The following RAD17 variants were observed in gnomAD, a reference collection of about 807,000 sequenced individuals.
The protein encoded by RAD17 is RAD17 checkpoint clamp loader component.
In RAD17, 31 loss-of-function variants were observed where a neutral mutation model predicts 81.5. That is an observed-to-expected ratio of 0.38 (90% CI 0.29 to 0.51). The LOEUF (loss-of-function observed/expected upper bound fraction) is 0.51. RAD17 is among the 20% of genes least tolerant of loss of function. The pLI is 0.88. For synonymous variants in RAD17, 261 were observed against 266.2 expected, an observed-to-expected ratio of 0.98 and a Z score of 0.19; for missense variants, 681 against 781.2, an observed-to-expected ratio of 0.87 and a Z score of 1.53.
chr5:69,393,106 T>C (rs1399333826), intron 13 of RAD17, 49 bp from the exon 14 acceptor site: 1 of 1,294,196 alleles, frequency 7.7e-7, no homozygotes, highest in Non-Finnish European at 1.1e-6. Context: ...AGGTGCTATA[T>C]AATTATAAAG....
chr5:69,377,591 A>G (rs1448408605), intron 6 of RAD17, among the ~76,000 whole-genome samples: 1 of 53,962 alleles, frequency 1.9e-5, no homozygotes, highest in African/African-American at 5.1e-5. Flanking sequence ...GTATACATAT[A>G]TATATGCATA....
At chr5:69,407,967 T>C (rs777296914) in intron 17 of RAD17, among the ~76,000 whole-genome samples, 1 of 152,260 alleles carries the variant, frequency 6.6e-6, no homozygotes, top group Non-Finnish European at 1.5e-5. Flanking sequence ...GTTCTTTTTA[T>C]AATTTTTGTC....
intron 17 of RAD17, among the ~76,000 whole-genome samples, chr5:69,407,723 T>C (rs1001554764): frequency 6.6e-6 from 1 of 152,138 alleles, no homozygotes; most frequent in Admixed American, 6.5e-5. Context: ...AATACAGGCA[T>C]GTGCCGCTAT....
chr5:69,412,418 G>A (rs1042169148), intron 18 of RAD17, among the ~76,000 whole-genome samples: 1 of 151,844 alleles, frequency 6.6e-6, no homozygotes, highest in Non-Finnish European at 1.5e-5. Flanking sequence ...CAACCTACAC[G>A]TTATTTTTGC....
intron 5 of RAD17, 85 bp from the exon 6 acceptor site, chr5:69,374,543 A>C: frequency 1.2e-6 from 1 of 809,784 alleles, no homozygotes. Flanking sequence ...TCTTTTCGTT[A>C]ATAATGCTTA....
At chr5:69,370,001 A>G (rs1298740840) in intron 1 of RAD17, 68 bp downstream of exon 1, 5 of 416,648 alleles carry the variant, frequency 1.2e-5, no homozygotes, top group African/African-American at 6.3e-5. Context: ...CTCTGCCTTC[A>G]AGCTTTCCTG....
chr5:69,377,961 TAAAA>T (rs574377148), intron 6 of RAD17, among the ~76,000 whole-genome samples: 2 of 151,168 alleles, frequency 1.3e-5, no homozygotes, highest in Non-Finnish European at 2.9e-5. Flanking sequence ...TCTGGCTAAT[TAAAA>T]AAAAATTTTT....
Position 69,391,863 on chromosome 5 carries a change from A to G in RAD17, c.1039A>G (p.Met347Val), listed in dbSNP as rs138127786. 1,150 of 1,567,780 alleles carry G rather than the reference A, an allele frequency of 7.3e-4. 4 individuals carry two copies. The highest frequency in any genetic ancestry group is 8.3e-4 in the Non-Finnish European group (963 of 1,164,820). Residue 347 changes from methionine to valine, a missense_variant, in exon 13 of 19, where the codon ATG becomes GTG. Met to Val is a conservative substitution (Grantham distance 21). Transcript: ENST00000354868. ...ENNLRPRKKG[M>V]SLKSDAVLSK... is the part of the protein sequence containing the mutation. ...CAACTTACGGCCAAGGAAAAAAGGA[A>G]TGTCTTTAAAATCAGATGCTGTGCT...
chr5:69,369,350 C>T, upstream of RAD17: 6 of 1,223,390 alleles, frequency 4.9e-6, no homozygotes, highest in Non-Finnish European at 6.6e-6. Flanking sequence ...TCGTGGCCCT[C>T]GGCCGGCCTC....
At position 69,386,110 on chromosome 5, in the gene RAD17, A is replaced by G. The variant is rs763929942; in HGVS notation, c.698+15A>G. 2 of 1,602,962 alleles carry G rather than the reference A, an allele frequency of 1.2e-6. No homozygotes were observed. The highest frequency in any genetic ancestry group is 1.7e-6 in the Non-Finnish European group (2 of 1,176,056). ...GAAGTTCTAAGGTAGGTTTCAGTGA[A>G]GTATTCTAAAACTCCAAATTAAATG... On this transcript the variant is annotated intron_variant, in intron 9 of 18. Transcript: ENST00000354868.
chr5:69,386,433 C>A lies in RAD17; in HGVS notation c.862C>A (p.Leu288Ile), dbSNP rs1371052995. The change falls in exon 11 of 19, where the codon CTT (leucine) becomes ATT (isoleucine). Residue 288 changes from leucine (L) to isoleucine (I), a missense_variant. Physicochemically the swap from Leu to Ile is conservative, Grantham distance 5. Coordinates refer to ENST00000354868, the MANE Select transcript of RAD17 (RefSeq NM_133338.3). ...GGCACCAACAATTATGATGAAATTT[C>A]TTAATCGAATAGTGACTATAGAAGC... The part of the protein sequence containing the change: ...PVAPTIMMKF[L>I]NRIVTIEANK... 6.3e-7 allele frequency: 1 copy of A among 1,599,476 alleles called. No homozygotes were observed. The highest frequency in any genetic ancestry group is 2.2e-5 in the East Asian group (1 of 44,548).
At chr5:69,370,908 A>G in intron 1 of RAD17, 127 bp from the exon 2 acceptor site, 1 of 243,886 alleles carries the variant, frequency 4.1e-6, no homozygotes, top group South Asian at 4.2e-5. Flanking sequence ...TGAATTCACT[A>G]GTTTGCATAA....
chr5:69,391,094 C>T (rs73113069), intron 12 of RAD17, among the ~76,000 whole-genome samples: 2,139 of 151,740 alleles, frequency 0.014, 51 homozygotes, highest in African/African-American at 0.049. Flanking sequence ...AAAATTTAGC[C>T]GGGCATACAC....
At chr5:69,400,469 G>GC (rs1255362645) in intron 17 of RAD17, among the ~76,000 whole-genome samples, 1 of 151,940 alleles carries the variant, frequency 6.6e-6, no homozygotes, top group Non-Finnish European at 1.5e-5. Context: ...GCCTGCCTCG[G>GC]CCCCCCAGAG....
intron 17 of RAD17, among the ~76,000 whole-genome samples, chr5:69,404,783 AT>A (rs1160938885): frequency 1.4e-5 from 2 of 146,970 alleles, no homozygotes; most frequent in Non-Finnish European, 3.0e-5. Context: ...AAAAAAAAAA[AT>A]AGATAAAATT....
chr5:69,410,883 T>A (rs571741104), intron 18 of RAD17, among the ~76,000 whole-genome samples: 6 of 150,008 alleles, frequency 4.0e-5, no homozygotes, highest in Non-Finnish European at 8.9e-5. Context: ...CTGCAGTGAC[T>A]AGGAACTGCC....
Position 69,371,458 on chromosome 5 carries a change from A to G in RAD17, c.-275A>G. 5.3e-6 allele frequency: 2 copies of G among 378,246 alleles called. No individual in the cohort carries two copies. The highest frequency in any genetic ancestry group is 9.3e-6 in the Non-Finnish European group (2 of 214,838). 23.4% of individuals were successfully genotyped at this position (378,246 alleles called of 1,614,324 possible). ...TCTTCCCCCCCCCCCCCCCAGGTGAATTATAGTTTAATGTACTGCAAGTCC... is the reference window on the plus strand; with the variant it reads ...TCTTCCCCCCCCCCCCCCCAGGTGAGTTATAGTTTAATGTACTGCAAGTCC... On this transcript the variant is annotated 5_prime_UTR_variant, in exon 3 of 19. Transcript: ENST00000354868.
At position 69,414,078 on chromosome 5, in the gene RAD17, C is replaced by G; in HGVS notation, c.1799C>G (p.Pro600Arg). ...LTDREHGMID[P>R]DSGDEAQLNG... ...GACAGGGAACATGGAATGATAGACC[C>G]TGACAGCGGAGATGAAGCCCAGCTT... The change falls in exon 19 of 19, where the codon CCT (proline) becomes CGT (arginine). Residue 600 changes from proline to arginine, a missense_variant. Physicochemically the swap from Pro to Arg is moderately radical, Grantham distance 103. Transcript: ENST00000354868. The G allele has an allele frequency of 6.2e-7, 1 of 1,614,214 alleles. No homozygotes were observed. The highest frequency in any genetic ancestry group is 8.5e-7 in the Non-Finnish European group (1 of 1,180,034).
chr5:69,399,653 C>T (rs970002806), intron 16 of RAD17, among the ~76,000 whole-genome samples: 2 of 150,820 alleles, frequency 1.3e-5, no homozygotes, highest in African/African-American at 2.4e-5. Flanking sequence ...TTCTTGAAGG[C>T]AGGGATTGTG....
Sources: allele counts gnomAD v4.1 joint callset (sites outside exome capture counted in the v4.1 genomes callset), GRCh38; gene constraint gnomAD v4.1.1; transcripts MANE v1.5; gene names NCBI Gene and HGNC (gene_info 2026-07-23, HGNC 2026-07-21).